Variants in CELF2 observed in about 807,000 individuals in gnomAD.
CELF2 encodes CUG triplet repeat RNA-binding protein 2.
CELF2 carries 8 observed loss-of-function variants against 62.6 expected under a neutral mutation model. The observed-to-expected ratio is 0.13, with a 90% CI of 0.07 to 0.23. CELF2 has a LOEUF of 0.23. Among genes scored for constraint, CELF2 ranks in the 10% least tolerant of loss-of-function variants. The pLI is 1.00. For missense variants in CELF2, 333 were observed against 671.0 expected (o/e 0.50, Z 5.56); for synonymous variants, 258 against 250.0 (o/e 1.03, Z -0.30).
chr10:11,211,813 AGTGTGTGTGTGTGTGTGTGTGT>A lies in CELF2; in HGVS notation c.272-5591_272-5570del, dbSNP rs869213973. Reference sequence around the variant, plus strand: ...GTGTGAGAGAGAGAGAGAGAGAGAGAGTGTGTGTGTGTGTGTGTGTGTGTGTGTGTGTGTGTGTGTGTAACTA... The same window carrying A: ...GTGTGAGAGAGAGAGAGAGAGAGAGAGTGTGTGTGTGTGTGTGTGTAACTA... On this transcript the variant is annotated intron_variant, in intron 2 of 12. Transcript: ENST00000633077. This position sits in a 1 kb window ranked among gnomAD's most constrained non-coding sequence, Gnocchi z 4.8. Among the ~76,000 whole-genome samples, 1 of 89,256 alleles carries A rather than the reference AGTGTGTGTGTGTGTGTGTGTGT, an allele frequency of 1.1e-5. No individual in the cohort carries two copies. The highest frequency in any genetic ancestry group is 2.4e-5 in the Non-Finnish European group (1 of 42,366). The allele number at this position is 89,256 out of a possible 152,430, so 58.6% of individuals were successfully genotyped here.
chr10:10,963,094 G>T (rs2049724820), intron 2 of CELF2, among the ~76,000 whole-genome samples: 1 of 152,124 alleles, frequency 6.6e-6, no homozygotes. Context: ...AGGCTGGAGT[G>T]CAGTGTCATG....
In CELF2 at chr10:11,008,881, G is replaced by A. The variant is rs966613141; in HGVS notation, c.53+3441G>A. On this transcript the variant is annotated intron_variant, in intron 1 of 12. Transcript: ENST00000416382. This position sits in a 1 kb window ranked among gnomAD's most constrained non-coding sequence, Gnocchi z 4.5. ...GTGGCATCATCTTCTTTGTGGCATT[G>A]ATCTGTACTTTCTGGAACAGTAATG... Among the ~76,000 whole-genome samples, 2 of 151,462 alleles carry A rather than the reference G, an allele frequency of 1.3e-5. No homozygotes were observed. The highest frequency in any genetic ancestry group is 2.4e-5 in the African/African-American group (1 of 41,250).
chr10:11,104,287 T>C (rs9424119), intron 1 of CELF2, among the ~76,000 whole-genome samples: 9,921 of 152,280 alleles, frequency 0.065, 475 homozygotes, highest in African/African-American at 0.13. Context: ...TGATCAAACT[T>C]TATGAGATTT....
intron 1 of CELF2, among the ~76,000 whole-genome samples, chr10:11,031,399 C>T (rs571916947): frequency 4.1e-4 from 62 of 152,288 alleles, no homozygotes; most frequent in Middle Eastern, 3.4e-3. Context: ...CAGCTTTGTG[C>T]TCAAGTGCAT....
chr10:10,879,525 C>A (rs2061320750), intron 1 of CELF2, among the ~76,000 whole-genome samples: 3 of 152,198 alleles, frequency 2.0e-5, no homozygotes, highest in Admixed American at 1.3e-4. Context: ...ATTGAATTTA[C>A]ACATACCTTA....
At chr10:11,238,549 C>T (rs2072470468) in intron 3 of CELF2, among the ~76,000 whole-genome samples, 1 of 152,140 alleles carries the variant, frequency 6.6e-6, no homozygotes. Context: ...CACAAAGGTG[C>T]ATTGACATAA....
At chr10:11,131,808 C>T (rs757783780) in intron 1 of CELF2, among the ~76,000 whole-genome samples, 9 of 152,114 alleles carry the variant, frequency 5.9e-5, no homozygotes, top group Admixed American at 1.3e-4. Context: ...GTGAAAGAAA[C>T]ATCATTAAAA....
the CELF2 span, among the ~76,000 whole-genome samples, chr10:10,726,121 G>A: frequency 6.6e-6 from 1 of 152,022 alleles, no homozygotes; most frequent in Non-Finnish European, 1.5e-5. Flanking sequence ...CTCCTCATGG[G>A]GACACAGCAC....
upstream of CELF2, chr10:10,794,781 T>G (rs1167880473): frequency 6.6e-6 from 1 of 152,172 alleles, no homozygotes; most frequent in East Asian, 1.9e-4. Flanking sequence ...AAGATGAGCT[T>G]CCACGGATTT....
chr10:10,864,299 C>T (rs1435163411), intron 1 of CELF2, among the ~76,000 whole-genome samples: 1 of 152,034 alleles, frequency 6.6e-6, no homozygotes, highest in Non-Finnish European at 1.5e-5. Flanking sequence ...ATCATTTCTC[C>T]AGTGCATTCC....
At chr10:10,548,343 G>T in the CELF2 span, among the ~76,000 whole-genome samples, 1 of 152,192 alleles carries the variant, frequency 6.6e-6, no homozygotes, top group Non-Finnish European at 1.5e-5. Context: ...CATAGTCTCA[G>T]CTTCAAATTC....
In CELF2 at chr10:11,321,897, G is replaced by T. The variant is rs866636975; in HGVS notation, c.1294+511G>T. Among the ~76,000 whole-genome samples, 6 of 152,162 alleles carry T rather than the reference G, an allele frequency of 3.9e-5. No homozygotes were observed. Among genetic ancestry groups the T allele is most frequent in the Middle Eastern group, 3.2e-3 (1 of 316 alleles). On this transcript the variant is annotated intron_variant, in intron 11 of 12. Coordinates refer to ENST00000633077, the MANE Select transcript of CELF2 (RefSeq NM_001326342.2). The surrounding 1 kb of genome is among the most constrained non-coding windows in gnomAD (Gnocchi z 6.2). ...TCTGAAGGGTTATGGCATCTCTGCA[G>T]ATCTAAGTCCAGGAAAGTTGATCAC...
rs909971613 is a variant in CELF2 at position 11,269,236 on chromosome 10, G to T, written c.619-1430G>T. 3.4e-4 allele frequency among the ~76,000 whole-genome samples: 51 copies of T among 152,098 alleles called. No homozygotes were observed. Among genetic ancestry groups the T allele is most frequent in the Non-Finnish European group, 6.8e-4 (46 of 68,026 alleles). On this transcript the variant is annotated intron_variant, in intron 6 of 12. Coordinates refer to ENST00000633077, the MANE Select transcript of CELF2 (RefSeq NM_001326342.2). This position sits in a 1 kb window ranked among gnomAD's most constrained non-coding sequence, Gnocchi z 4.4. Reference sequence around the variant, plus strand: ...TTTAAATGATGGAAATACTATTTTTGTGCAATTTACTGACATTTAACATTC... The same window carrying T: ...TTTAAATGATGGAAATACTATTTTTTTGCAATTTACTGACATTTAACATTC...
chr10:10,667,581 G>C, the CELF2 span, among the ~76,000 whole-genome samples: 2 of 152,132 alleles, frequency 1.3e-5, no homozygotes, highest in South Asian at 4.1e-4. Context: ...AAATTTCAAA[G>C]AGCTCCTTTA....
At chr10:10,497,204 A>AG in the CELF2 span, among the ~76,000 whole-genome samples, 1 of 129,672 alleles carries the variant, frequency 7.7e-6, no homozygotes, top group South Asian at 2.7e-4. Flanking sequence ...AAAAAAAAAA[A>AG]AGATAAAAAG....
chr10:10,850,778 C>A (rs934693774), intron 1 of CELF2, among the ~76,000 whole-genome samples: 3 of 152,052 alleles, frequency 2.0e-5, no homozygotes, highest in African/African-American at 7.2e-5. Context: ...AGTAAGGAAA[C>A]TGAGACATAG....
At chr10:11,149,873 G>T (rs1201365511) in intron 1 of CELF2, among the ~76,000 whole-genome samples, 1 of 152,178 alleles carries the variant, frequency 6.6e-6, no homozygotes, top group African/African-American at 2.4e-5. Flanking sequence ...CAGGTATTCA[G>T]CACTTGTCAG....
At chr10:10,953,381 G>A (rs2048532394) in intron 2 of CELF2, among the ~76,000 whole-genome samples, 1 of 152,164 alleles carries the variant, frequency 6.6e-6, no homozygotes, top group South Asian at 2.1e-4. Flanking sequence ...GGTAAGGAGA[G>A]GGAGAAGAAT....
At chr10:10,605,259 TG>T in the CELF2 span, among the ~76,000 whole-genome samples, 1 of 146,238 alleles carries the variant, frequency 6.8e-6, no homozygotes, top group Admixed American at 6.9e-5. Context: ...CAACACACAC[TG>T]AGGCTTGTCG....
Sources: gnomAD v4.1 joint callset for allele counts (sites outside exome capture counted in the v4.1 genomes callset) on GRCh38, gnomAD v4.1.1 for gene constraint, Gnocchi (gnomAD v3.1) non-coding constraint, MANE v1.5 for transcripts, NCBI Gene and HGNC (gene_info 2026-07-23, HGNC 2026-07-21) for gene names.